The following DTNA variants were observed in gnomAD, a reference collection of about 807,000 sequenced individuals.
DTNA encodes dystrophin-related protein 3.
DTNA carries 43 observed loss-of-function variants against 100.7 expected under a neutral mutation model. The observed-to-expected ratio is 0.43, with a 90% CI of 0.33 to 0.55. The LOEUF is 0.55. Ranked by LOEUF, DTNA falls within the 20% of genes least tolerant of loss-of-function variation. The pLI, the probability that DTNA is intolerant of heterozygous loss-of-function variation, is 0.04. For missense variants in DTNA, 798 were observed against 953.9 expected, an observed-to-expected ratio of 0.84 and a Z score of 2.15; for synonymous variants, 349 against 347.9, an observed-to-expected ratio of 1.00 and a Z score of -0.04.
intron 1 of DTNA, among the ~76,000 whole-genome samples, chr18:34,534,944 A>G (rs2043534627): frequency 6.6e-6 from 1 of 152,206 alleles, no homozygotes; most frequent in Non-Finnish European, 1.5e-5. Context: ...ATAGTGCTGC[A>G]GTAAACATAT....
chr18:34,803,530 C>T (rs969473689), intron 4 of DTNA, among the ~76,000 whole-genome samples: 2 of 152,136 alleles, frequency 1.3e-5, no homozygotes, highest in African/African-American at 4.8e-5. Context: ...CTCTCGGATT[C>T]ATTGAAAGGA....
chr18:34,512,447 A>G (rs562527509), intron 1 of DTNA, among the ~76,000 whole-genome samples: 3 of 152,146 alleles, frequency 2.0e-5, no homozygotes, highest in East Asian at 3.9e-4. Context: ...TTACTCTCTC[A>G]GAAAGGAAAA....
At chr18:34,674,619 T>C (rs1171829633) in intron 1 of DTNA, among the ~76,000 whole-genome samples, 2 of 152,158 alleles carry the variant, frequency 1.3e-5, no homozygotes, top group Non-Finnish European at 2.9e-5. Context: ...ACTAATAATC[T>C]GGTGAAATTA....
At chr18:34,743,752 G>T (rs2147833575) in intron 1 of DTNA, among the ~76,000 whole-genome samples, 1 of 152,208 alleles carries the variant, frequency 6.6e-6, no homozygotes, top group South Asian at 2.1e-4. Flanking sequence ...GGATTTAAAA[G>T]AAATTTTTAA....
intron 1 of DTNA, among the ~76,000 whole-genome samples, chr18:34,734,360 A>C (rs945958686): frequency 6.6e-6 from 1 of 152,136 alleles, no homozygotes; most frequent in Non-Finnish European, 1.5e-5. Context: ...AAAAAGGTTC[A>C]TCAGAGTTTA....
chr18:34,866,571 A>G, intron 17 of DTNA: 2 of 1,018,556 alleles, frequency 2.0e-6, no homozygotes, highest in Non-Finnish European at 2.4e-6. Flanking sequence ...CACTGTGAGT[A>G]TTCAGTTCGG....
At chr18:34,635,787 C>T (rs1159747048) in intron 1 of DTNA, among the ~76,000 whole-genome samples, 2 of 152,136 alleles carry the variant, frequency 1.3e-5, no homozygotes, top group Non-Finnish European at 2.9e-5. Flanking sequence ...CTGTCATGCT[C>T]ATGGAGACAA....
intron 1 of DTNA, among the ~76,000 whole-genome samples, chr18:34,516,552 TC>T (rs1383971337): frequency 2.0e-5 from 3 of 152,058 alleles, no homozygotes; most frequent in Non-Finnish European, 4.4e-5. Flanking sequence ...TCATACCTTA[TC>T]TACAACCATA....
intron 1 of DTNA, among the ~76,000 whole-genome samples, chr18:34,747,104 C>CTATCTATATATATATATATATATATA (rs1041438583): frequency 6.7e-6 from 1 of 148,228 alleles, no homozygotes; most frequent in African/African-American, 2.5e-5. Flanking sequence ...ATATCTGTAT[C>CTATCTATATATATATATATATATATA]TATATATATA....
intron 1 of DTNA, among the ~76,000 whole-genome samples, chr18:34,607,029 C>A (rs2053267281): frequency 6.6e-6 from 1 of 152,140 alleles, no homozygotes; most frequent in Admixed American, 6.5e-5. Context: ...GGACTGAAGC[C>A]ATAGCTCAAA....
intron 5 of DTNA, among the ~76,000 whole-genome samples, chr18:34,811,433 A>G (rs1178783957): frequency 1.3e-5 from 2 of 151,936 alleles, no homozygotes; most frequent in African/African-American, 4.9e-5. Context: ...AAGTTAATCA[A>G]GTGTTTGTCA....
intron 9 of DTNA, among the ~76,000 whole-genome samples, chr18:34,821,916 A>G (rs928015677): frequency 1.3e-5 from 2 of 152,124 alleles, no homozygotes; most frequent in African/African-American, 4.8e-5. Flanking sequence ...AGCAGCAACT[A>G]TGTTCTCTGA....
intron 1 of DTNA, among the ~76,000 whole-genome samples, chr18:34,716,898 T>C (rs897621045): frequency 2.0e-4 from 30 of 152,228 alleles, no homozygotes; most frequent in African/African-American, 6.8e-4. Flanking sequence ...ATAATTTCAC[T>C]GAAATTCAAT....
rs545695951 is a variant in DTNA at position 34,820,032 on chromosome 18, T to C, written c.877-759T>C. On this transcript the variant is annotated intron_variant, in intron 8 of 22. Coordinates refer to ENST00000444659, the MANE Select transcript of DTNA (RefSeq NM_001386795.1). ...CGCAATTGCTTTTGCACCAACCTAA[T>C]GTATGTGGTAGGCTACTTTTTATAA... 1.7e-4 allele frequency among the ~76,000 whole-genome samples: 26 copies of C among 148,982 alleles called. 1 individual carries two copies. The East Asian group carries it at 5.1e-3, about 29-fold the overall frequency.
At chr18:34,666,062 C>T (rs1180275555) in intron 1 of DTNA, among the ~76,000 whole-genome samples, 2 of 152,172 alleles carry the variant, frequency 1.3e-5, no homozygotes, top group Non-Finnish European at 2.9e-5. Context: ...ATTCCTATTT[C>T]TCCACATCCT....
chr18:34,835,876 G>C (rs938556517), intron 11 of DTNA, among the ~76,000 whole-genome samples: 1 of 152,224 alleles, frequency 6.6e-6, no homozygotes, highest in African/African-American at 2.4e-5. Context: ...TTATTCGGCT[G>C]TTTGCTTAAG....
At chr18:34,583,974 T>C (rs2048880873) in intron 1 of DTNA, among the ~76,000 whole-genome samples, 1 of 150,146 alleles carries the variant, frequency 6.7e-6, no homozygotes, top group Non-Finnish European at 1.5e-5. Flanking sequence ...TGAGATACGA[T>C]ATAGAAATCT....
intron 21 of DTNA, among the ~76,000 whole-genome samples, chr18:34,883,922 A>G (rs557637815): frequency 6.6e-6 from 1 of 152,326 alleles, no homozygotes; most frequent in East Asian, 1.9e-4. Context: ...AAGTGACTCT[A>G]TATGTAGAGC....
At chr18:34,734,107 C>T (rs2088987057) in intron 1 of DTNA, among the ~76,000 whole-genome samples, 1 of 152,160 alleles carries the variant, frequency 6.6e-6, no homozygotes, top group African/African-American at 2.4e-5. Flanking sequence ...CTCTCAACCT[C>T]ACCTCTAGGG....
Sources: allele counts gnomAD v4.1 joint callset (sites outside exome capture counted in the v4.1 genomes callset), GRCh38; gene constraint gnomAD v4.1.1; transcripts MANE v1.5; gene names NCBI Gene and HGNC (gene_info 2026-07-23, HGNC 2026-07-21).